AGBL1: variants seen among roughly 807,000 people sequenced by gnomAD.
The protein encoded by AGBL1 is cytosolic carboxypeptidase 4.
In AGBL1, 130 loss-of-function variants were observed where a neutral mutation model predicts 118.9. The observed-to-expected ratio is 1.09, with a 90% CI of 0.95 to 1.26. The LOEUF is 1.26. Among genes scored for constraint, AGBL1 ranks in the 50% most tolerant of loss-of-function variants. The probability of loss-of-function intolerance (pLI) is 0.00; values close to 1 mark genes in which losing one functional copy is unlikely to be tolerated. For missense variants in AGBL1, 1,584 were observed against 1,298.1 expected (o/e 1.22, Z -3.38); for synonymous variants, 555 against 478.9 (o/e 1.16, Z -2.08).
chr15:86,916,455 A>G (rs931557349), downstream of AGBL1, among the ~76,000 whole-genome samples: 1 of 152,170 alleles, frequency 6.6e-6, no homozygotes, highest in Admixed American at 6.5e-5. Flanking sequence ...ATGTAAGTAC[A>G]TCCAGAGTCC....
chr15:86,479,691 C>T (rs1227951601), intron 18 of AGBL1, among the ~76,000 whole-genome samples: 1 of 152,124 alleles, frequency 6.6e-6, no homozygotes, highest in Non-Finnish European at 1.5e-5. Context: ...TCTTCAAGGA[C>T]CTAGAACTAG....
intron 23 of AGBL1, chr15:86,987,908 T>A: frequency 6.6e-7 from 1 of 1,519,326 alleles, no homozygotes; most frequent in Non-Finnish European, 8.8e-7. Flanking sequence ...AATATGTTTT[T>A]AAAATCCATC....
intron 23 of AGBL1, among the ~76,000 whole-genome samples, chr15:86,933,142 C>A (rs1246302714): frequency 6.6e-6 from 1 of 152,142 alleles, no homozygotes; most frequent in Non-Finnish European, 1.5e-5. Flanking sequence ...TCTCTGAAAC[C>A]ACCTTTGCAA....
intron 21 of AGBL1, among the ~76,000 whole-genome samples, chr15:86,562,779 T>C (rs2142290105): frequency 6.6e-6 from 1 of 152,248 alleles, no homozygotes; most frequent in Non-Finnish European, 1.5e-5. Flanking sequence ...GTCCTGGACT[T>C]TTTTTGGTGG....
At chr15:86,201,647 G>C (rs920993134) in intron 5 of AGBL1, among the ~76,000 whole-genome samples, 1 of 152,162 alleles carries the variant, frequency 6.6e-6, no homozygotes, top group Non-Finnish European at 1.5e-5. Flanking sequence ...ACCTCACCAT[G>C]GTGCAAAACC....
intron 4 of AGBL1, among the ~76,000 whole-genome samples, chr15:86,158,335 G>C (rs2077220560): frequency 6.6e-6 from 1 of 152,148 alleles, no homozygotes; most frequent in Non-Finnish European, 1.5e-5. Context: ...GCTTCTCTAA[G>C]ACCTCTTGTT....
At chr15:86,485,139 C>T (rs1405225450) in intron 18 of AGBL1, among the ~76,000 whole-genome samples, 1 of 152,134 alleles carries the variant, frequency 6.6e-6, no homozygotes, top group Non-Finnish European at 1.5e-5. Flanking sequence ...ATCTGCTAAG[C>T]CGTCGCTACT....
At chr15:86,148,790 C>T (rs1462720469) in intron 3 of AGBL1, among the ~76,000 whole-genome samples, 2 of 152,148 alleles carry the variant, frequency 1.3e-5, no homozygotes, top group Non-Finnish European at 2.9e-5. Context: ...CACAAAGATA[C>T]TCCTCGAGAA....
intron 22 of AGBL1, among the ~76,000 whole-genome samples, chr15:86,897,958 A>G (rs527528118): frequency 5.1e-4 from 78 of 151,644 alleles, no homozygotes; most frequent in Non-Finnish European, 8.5e-4. Context: ...TTTTTTGTAC[A>G]TGTGGGGTTT....
chr15:86,806,105 G>T (rs2078710394), intron 22 of AGBL1, among the ~76,000 whole-genome samples: 1 of 152,160 alleles, frequency 6.6e-6, no homozygotes, highest in African/African-American at 2.4e-5. Flanking sequence ...GGAAGGAAGG[G>T]TGGGAGGCCT....
At chr15:86,093,269 T>A (rs2141471371) in intron 1 of AGBL1, among the ~76,000 whole-genome samples, 1 of 152,312 alleles carries the variant, frequency 6.6e-6, no homozygotes, top group South Asian at 2.1e-4. Flanking sequence ...TGGTCTCAGC[T>A]GTCTAAAAAT....
intron 22 of AGBL1, among the ~76,000 whole-genome samples, chr15:86,849,054 C>CA (rs1281791468): frequency 2.6e-5 from 4 of 152,152 alleles, no homozygotes; most frequent in Admixed American, 6.5e-5. Flanking sequence ...ATCCAATGCT[C>CA]AGTGTTGATT....
At chr15:86,627,089 C>A (rs995457789) in intron 21 of AGBL1, among the ~76,000 whole-genome samples, 1 of 152,128 alleles carries the variant, frequency 6.6e-6, no homozygotes, top group Admixed American at 6.5e-5. Context: ...CAACCTCCGC[C>A]TCCTGGGTTC....
chr15:86,793,726 G>A (rs1023032769), intron 22 of AGBL1, among the ~76,000 whole-genome samples: 6 of 152,000 alleles, frequency 3.9e-5, no homozygotes, highest in East Asian at 3.8e-4. Context: ...GTCTGATAAC[G>A]GTCTAGTATC....
At chr15:86,494,988 G>A (rs147361481) in intron 18 of AGBL1, among the ~76,000 whole-genome samples, 238 of 151,082 alleles carry the variant, frequency 1.6e-3, no homozygotes, top group Non-Finnish European at 2.9e-3. Context: ...AAAGATTTAA[G>A]CCCCCTTTGA....
chr15:86,728,047 A>G (rs1567143429), intron 22 of AGBL1, among the ~76,000 whole-genome samples: 1 of 152,234 alleles, frequency 6.6e-6, no homozygotes, highest in African/African-American at 2.4e-5. Flanking sequence ...CCTTACTTCT[A>G]GCATGTACAA....
chr15:86,433,260 CTTCTTCTTTTTTTTT>C (rs1417968799), intron 18 of AGBL1, among the ~76,000 whole-genome samples: 45 of 86,964 alleles, frequency 5.2e-4, no homozygotes, highest in African/African-American at 2.3e-3. Flanking sequence ...CCTCCTCCTC[CTTCTTCTTTTTTTTT>C]TTTTTTTTTT....
At chr15:86,128,903 G>A (rs183621207) in intron 1 of AGBL1, among the ~76,000 whole-genome samples, 33 of 152,232 alleles carry the variant, frequency 2.2e-4, no homozygotes, top group Non-Finnish European at 4.6e-4. Flanking sequence ...ATTTACAACC[G>A]CATCTCCAGT....
intron 17 of AGBL1, among the ~76,000 whole-genome samples, chr15:86,373,801 G>A (rs975016625): frequency 1.3e-5 from 2 of 152,198 alleles, no homozygotes; most frequent in African/African-American, 4.8e-5. Flanking sequence ...GTTTCTCCTT[G>A]AGCATAATTA....
Sources: gnomAD v4.1 joint callset for allele counts (sites outside exome capture counted in the v4.1 genomes callset) on GRCh38, gnomAD v4.1.1 for gene constraint, MANE v1.5 for transcripts, NCBI Gene and HGNC (gene_info 2026-07-23, HGNC 2026-07-21) for gene names.